SDK1: variants seen among roughly 807,000 people sequenced by gnomAD.
SDK1 encodes the protein protein sidekick-1.
Under a neutral mutation model 245.5 loss-of-function variants are expected in SDK1, and 157 were observed. That is an observed-to-expected ratio of 0.64 (90% CI 0.56 to 0.73). SDK1 has a LOEUF of 0.73. Among genes scored for constraint, SDK1 ranks in the 30% least tolerant of loss-of-function variants. SDK1 has a pLI of 0.00. For missense variants in SDK1, 3,583 were observed against 3,002.3 expected, an observed-to-expected ratio of 1.19 and a Z score of -4.52; for synonymous variants, 1,647 against 1,278.5, an observed-to-expected ratio of 1.29 and a Z score of -6.15.
intron 1 of SDK1, among the ~76,000 whole-genome samples, chr7:3,426,640 G>C (rs1485095998): frequency 6.6e-6 from 1 of 152,206 alleles, no homozygotes; most frequent in Non-Finnish European, 1.5e-5. Context: ...TCTGTCTCCA[G>C]TTAGTCACCA....
chr7:4,130,394 C>G, intron 27 of SDK1: 1 of 402,156 alleles, frequency 2.5e-6, no homozygotes, highest in South Asian at 3.7e-5. Flanking sequence ...CTGTGGATGT[C>G]AGCTGTGGAC....
intron 10 of SDK1, among the ~76,000 whole-genome samples, chr7:3,968,946 A>G (rs1185188467): frequency 2.0e-5 from 3 of 152,334 alleles, no homozygotes; most frequent in Admixed American, 2.0e-4. Flanking sequence ...GTGGAAGGTG[A>G]AGAGGAAGCA....
chr7:3,519,123 CAG>C (rs1364757011), intron 1 of SDK1, among the ~76,000 whole-genome samples: 2 of 151,896 alleles, frequency 1.3e-5, no homozygotes, highest in African/African-American at 4.8e-5. Context: ...AAAAGTAGAA[CAG>C]AGAATAGGAG....
At chr7:4,157,838 T>C (rs1780864736) in intron 30 of SDK1, among the ~76,000 whole-genome samples, 1 of 151,996 alleles carries the variant, frequency 6.6e-6, no homozygotes, top group African/African-American at 2.4e-5. Flanking sequence ...CCCCAGTGAA[T>C]GGTAGGGGTG....
chr7:4,066,476 C>T (rs1584001976), intron 19 of SDK1, among the ~76,000 whole-genome samples: 2 of 152,184 alleles, frequency 1.3e-5, no homozygotes, highest in Non-Finnish European at 2.9e-5. Flanking sequence ...TCCCCAAAAG[C>T]GTTTCCATTT....
chr7:4,051,259 T>C (rs940262345), intron 18 of SDK1, among the ~76,000 whole-genome samples: 4 of 142,044 alleles, frequency 2.8e-5, no homozygotes, highest in Non-Finnish European at 6.0e-5. Flanking sequence ...TTGTATATAA[T>C]ATATATATAA....
intron 2 of SDK1, among the ~76,000 whole-genome samples, chr7:3,636,421 T>G (rs1263509522): frequency 6.6e-6 from 1 of 152,216 alleles, no homozygotes; most frequent in Non-Finnish European, 1.5e-5. Flanking sequence ...TTCTATGAAC[T>G]GGACTATTTT....
chr7:3,676,278 G>A lies in SDK1; in HGVS notation c.713+34173G>A, dbSNP rs2116620. On this transcript the variant is annotated intron_variant, in intron 4 of 44. Transcript: ENST00000404826. ...AAGTTATACTCCTGCCTTGTCCTCC[G>A]AAAGTGCTGGAATTACACGTACCAC... is the stretch of plus-strand genomic sequence containing the variant. Among the ~76,000 whole-genome samples, 32 of 150,948 alleles carry A rather than the reference G, an allele frequency of 2.1e-4. No homozygotes were observed. The South Asian group carries it at 5.0e-3, about 24-fold the overall frequency.
chr7:3,729,084 A>C (rs1283228291), intron 4 of SDK1, among the ~76,000 whole-genome samples: 1 of 152,118 alleles, frequency 6.6e-6, no homozygotes, highest in Non-Finnish European at 1.5e-5. Flanking sequence ...CTTTAACCAT[A>C]CTGGGCAACA....
chr7:3,714,492 T>A (rs1194835732), intron 4 of SDK1, among the ~76,000 whole-genome samples: 1 of 152,234 alleles, frequency 6.6e-6, no homozygotes, highest in Admixed American at 6.5e-5. Context: ...ATAATAAGTT[T>A]ATCCCATTTG....
chr7:4,003,725 G>C (rs553997723), intron 14 of SDK1, among the ~76,000 whole-genome samples: 3 of 152,204 alleles, frequency 2.0e-5, no homozygotes, highest in African/African-American at 7.2e-5. Context: ...CCTGATCTGT[G>C]CCTAGGGCTA....
At chr7:3,374,184 G>A (rs1462730073) in intron 1 of SDK1, among the ~76,000 whole-genome samples, 2 of 152,054 alleles carry the variant, frequency 1.3e-5, no homozygotes, top group Non-Finnish European at 2.9e-5. Flanking sequence ...TTGGGGGAGA[G>A]CTGAGTCTGG....
intron 2 of SDK1, among the ~76,000 whole-genome samples, chr7:3,635,863 A>C (rs1312017975): frequency 6.6e-6 from 1 of 151,954 alleles, no homozygotes; most frequent in Non-Finnish European, 1.5e-5. Context: ...ACACCACCAC[A>C]CTTGGCTAAT....
At chr7:3,429,801 A>G (rs960735863) in intron 1 of SDK1, among the ~76,000 whole-genome samples, 6 of 150,014 alleles carry the variant, frequency 4.0e-5, no homozygotes, top group South Asian at 2.1e-4. Context: ...TATGTTGCCC[A>G]GGCTGGTGTT....
At chr7:4,037,469 A>G (rs1443179450) in intron 17 of SDK1, among the ~76,000 whole-genome samples, 16 of 152,078 alleles carry the variant, frequency 1.1e-4, no homozygotes, top group Non-Finnish European at 2.9e-5. Context: ...AATGCAAAAA[A>G]TTAGCTGATT....
At chr7:3,904,796 A>G (rs1781907274) in intron 5 of SDK1, among the ~76,000 whole-genome samples, 1 of 152,160 alleles carries the variant, frequency 6.6e-6, no homozygotes, top group South Asian at 2.1e-4. Context: ...GATCGAGACC[A>G]TCCTGGAGAA....
chr7:3,357,248 A>G lies in SDK1; in HGVS notation c.298+55364A>G, dbSNP rs553302606. 1.4e-3 allele frequency among the ~76,000 whole-genome samples: 209 copies of G among 144,272 alleles called. 1 individual carries two copies. Among genetic ancestry groups the G allele is most frequent in the Non-Finnish European group, 2.5e-3 (167 of 66,928 alleles). The allele number at this position is 144,272 out of a possible 152,430, so 94.6% of individuals were successfully genotyped here. A position where few individuals can be genotyped will look rare whatever the true frequency, so the allele number is the denominator to read the frequency against. On this transcript the variant is annotated intron_variant, in intron 1 of 44. Coordinates refer to ENST00000404826, the MANE Select transcript of SDK1 (RefSeq NM_152744.4). ...CTCTGGATGCTTCTGTTGTTGATGTATATGTGCACACTCACAGTCTTAAGG... is the reference window on the plus strand; with the variant it reads ...CTCTGGATGCTTCTGTTGTTGATGTGTATGTGCACACTCACAGTCTTAAGG...
intron 17 of SDK1, among the ~76,000 whole-genome samples, chr7:4,021,817 G>T (rs1786919641): frequency 6.6e-6 from 1 of 152,218 alleles, no homozygotes; most frequent in African/African-American, 2.4e-5. Flanking sequence ...CCCTTGTTAA[G>T]GAAGGAAGGG....
intron 4 of SDK1, among the ~76,000 whole-genome samples, chr7:3,698,649 A>C (rs1369450031): frequency 6.6e-6 from 1 of 152,104 alleles, no homozygotes; most frequent in Non-Finnish European, 1.5e-5. Context: ...CTGGAGGCTA[A>C]AAGTTCAAGG....
Sources: allele counts gnomAD v4.1 joint callset (sites outside exome capture counted in the v4.1 genomes callset), GRCh38; gene constraint gnomAD v4.1.1; transcripts MANE v1.5; gene names NCBI Gene and HGNC (gene_info 2026-07-23, HGNC 2026-07-21).